Variants in TMEM163 observed in about 807,000 individuals in gnomAD.
TMEM163 encodes the protein transmembrane protein 163.
TMEM163 carries 17 observed loss-of-function variants against 29.3 expected under a neutral mutation model. The observed-to-expected ratio is 0.58, with a 90% CI of 0.40 to 0.87. The LOEUF is 0.87. TMEM163 is among the 40% of genes least tolerant of loss of function. The pLI, the probability that TMEM163 is intolerant of heterozygous loss-of-function variation, is 0.00. For synonymous variants in TMEM163, 157 were observed against 160.6 expected (o/e 0.98, Z 0.17); for missense variants, 303 against 381.5 (o/e 0.79, Z 1.71).
At chr2:134,581,650 T>C (rs1286621506) in intron 2 of TMEM163, among the ~76,000 whole-genome samples, 1 of 152,124 alleles carries the variant, frequency 6.6e-6, no homozygotes, top group Non-Finnish European at 1.5e-5. Context: ...GGAGATGAAT[T>C]TTATGAGGTT....
chr2:134,466,522 A>C, intron 5 of TMEM163: 1 of 308,692 alleles, frequency 3.2e-6, no homozygotes, highest in Non-Finnish European at 6.2e-6. Context: ...GTCATAGATC[A>C]ATAACAGAGT....
intron 4 of TMEM163, among the ~76,000 whole-genome samples, chr2:134,523,150 G>A (rs910673512): frequency 2.0e-5 from 3 of 152,184 alleles, no homozygotes; most frequent in South Asian, 2.1e-4. Flanking sequence ...CCATGAACAT[G>A]CTTTGTGTAA....
At chr2:134,642,292 C>A (rs1388771104) in intron 2 of TMEM163, among the ~76,000 whole-genome samples, 3 of 152,016 alleles carry the variant, frequency 2.0e-5, no homozygotes, top group African/African-American at 7.2e-5. Context: ...TCATGCCCAG[C>A]AAATTTTTGT....
intron 2 of TMEM163, among the ~76,000 whole-genome samples, chr2:134,598,115 T>C (rs1357269746): frequency 6.6e-6 from 1 of 152,200 alleles, no homozygotes; most frequent in Non-Finnish European, 1.5e-5. Flanking sequence ...TCTCCTTCAG[T>C]TCTGCTCACA....
At chr2:134,497,931 C>T (rs1327240092) in intron 5 of TMEM163, among the ~76,000 whole-genome samples, 1 of 152,210 alleles carries the variant, frequency 6.6e-6, no homozygotes, top group Non-Finnish European at 1.5e-5. Flanking sequence ...TGAGATGGTG[C>T]TCAGGAGCTG....
intron 2 of TMEM163, among the ~76,000 whole-genome samples, chr2:134,644,008 A>T (rs1198058987): frequency 6.6e-6 from 1 of 152,110 alleles, no homozygotes; most frequent in Non-Finnish European, 1.5e-5. Context: ...AAGTTTTATA[A>T]AGCATTTACA....
chr2:134,505,211 G>A (rs141421234), intron 4 of TMEM163, among the ~76,000 whole-genome samples: 2 of 148,708 alleles, frequency 1.3e-5, no homozygotes, highest in African/African-American at 2.5e-5. Flanking sequence ...CCAGCACTGA[G>A]AGCACATTGT....
intron 2 of TMEM163, among the ~76,000 whole-genome samples, chr2:134,559,970 C>G (rs767014340): frequency 3.9e-5 from 6 of 152,118 alleles, no homozygotes; most frequent in Non-Finnish European, 8.8e-5. Flanking sequence ...TCTCTGATCT[C>G]CTCTTCTGCG....
chr2:134,615,260 G>A (rs769098669), intron 2 of TMEM163, among the ~76,000 whole-genome samples: 3 of 152,198 alleles, frequency 2.0e-5, no homozygotes, highest in Non-Finnish European at 4.4e-5. Flanking sequence ...AGAGCAACAT[G>A]AATTCTGCTA....
At position 134,456,469 on chromosome 2, in the gene TMEM163, A is replaced by T; in HGVS notation, c.*247T>A. On this transcript the variant is annotated 3_prime_UTR_variant, in exon 8 of 8. Transcript: ENST00000281924. ...ACCATCATACTCCAGAGACTAAAAA[A>T]CGCCAGTCCCAGCTGGAGACGGGGA... 1 of 534,892 alleles carries T rather than the reference A, an allele frequency of 1.9e-6. No individual in the cohort carries two copies. The highest frequency in any genetic ancestry group is 2.2e-5 in the South Asian group (1 of 45,240). The allele number at this position is 534,892 out of a possible 1,614,324, so 33.1% of individuals were successfully genotyped here.
chr2:134,622,014 A>T (rs1038863349), intron 2 of TMEM163, among the ~76,000 whole-genome samples: 1 of 152,236 alleles, frequency 6.6e-6, no homozygotes, highest in Non-Finnish European at 1.5e-5. Context: ...AATGAAATTT[A>T]TTATGCTCAT....
chr2:134,600,869 C>T (rs1179015057), intron 2 of TMEM163, among the ~76,000 whole-genome samples: 1 of 152,116 alleles, frequency 6.6e-6, no homozygotes, highest in Non-Finnish European at 1.5e-5. Context: ...GCTCCCTCAC[C>T]CATGAGAGAG....
intron 2 of TMEM163, among the ~76,000 whole-genome samples, chr2:134,669,589 T>C (rs1210876718): frequency 6.6e-6 from 1 of 152,242 alleles, no homozygotes; most frequent in African/African-American, 2.4e-5. Flanking sequence ...TCTCTCAGTG[T>C]GACCCTGACA....
At chr2:134,472,524 A>T (rs1209791428) in intron 5 of TMEM163, among the ~76,000 whole-genome samples, 3 of 152,256 alleles carry the variant, frequency 2.0e-5, no homozygotes, top group East Asian at 3.8e-4. Context: ...TCCAACCTGT[A>T]CAGAGAACAA....
intron 5 of TMEM163, among the ~76,000 whole-genome samples, chr2:134,476,066 T>C (rs1012005431): frequency 2.0e-5 from 3 of 152,188 alleles, no homozygotes; most frequent in South Asian, 2.1e-4. Context: ...AAACTGGAAA[T>C]AACCTAAATG....
intron 4 of TMEM163, among the ~76,000 whole-genome samples, chr2:134,505,316 C>A (rs758171679): frequency 3.4e-5 from 5 of 149,138 alleles, no homozygotes; most frequent in African/African-American, 9.9e-5. Flanking sequence ...CAGGGGTGAG[C>A]CTAAGCCTCT....
chr2:134,646,101 T>C (rs1226866088), intron 2 of TMEM163, among the ~76,000 whole-genome samples: 1 of 152,146 alleles, frequency 6.6e-6, no homozygotes, highest in Non-Finnish European at 1.5e-5. Flanking sequence ...CTTTTTTTTT[T>C]TTTTAGACAG....
chr2:134,580,579 A>C (rs1444871381), intron 2 of TMEM163, among the ~76,000 whole-genome samples: 1 of 152,178 alleles, frequency 6.6e-6, no homozygotes, highest in Non-Finnish European at 1.5e-5. Flanking sequence ...ACAAGAAATT[A>C]ATCTGGAATT....
chr2:134,615,365 T>A (rs1345747891), intron 2 of TMEM163, among the ~76,000 whole-genome samples: 1 of 152,178 alleles, frequency 6.6e-6, no homozygotes, highest in Non-Finnish European at 1.5e-5. Flanking sequence ...ATGTGGACAA[T>A]GTTCCAAAAA....
Sources: gnomAD v4.1 joint callset for allele counts (sites outside exome capture counted in the v4.1 genomes callset) on GRCh38, gnomAD v4.1.1 for gene constraint, MANE v1.5 for transcripts, NCBI Gene and HGNC (gene_info 2026-07-23, HGNC 2026-07-21) for gene names.